PCP4: variants seen among roughly 807,000 people sequenced by gnomAD.
PCP4 encodes calmodulin regulator protein PCP4.
PCP4 carries 8 observed loss-of-function variants against 10.0 expected under a neutral mutation model. The observed-to-expected ratio is 0.80, with a 90% CI of 0.47 to 1.45. The LOEUF (loss-of-function observed/expected upper bound fraction) is 1.45. Ranked by LOEUF, PCP4 falls within the 40% of genes most tolerant of loss-of-function variation. The probability of loss-of-function intolerance (pLI) is 0.00; values close to 1 mark genes in which losing one functional copy is unlikely to be tolerated. For synonymous variants in PCP4, 21 were observed against 23.0 expected (o/e 0.91, Z 0.24); for missense variants, 54 against 74.4 (o/e 0.73, Z 1.01).
chr21:39,880,475 GTGCA>G (rs1391812000), intron 1 of PCP4, among the ~76,000 whole-genome samples: 2 of 152,104 alleles, frequency 1.3e-5, no homozygotes, highest in African/African-American at 4.8e-5. Flanking sequence ...GTGTGTGTGT[GTGCA>G]TGCGTGTGAG....
At chr21:39,876,450 C>T (rs1445004547) in intron 1 of PCP4, among the ~76,000 whole-genome samples, 1 of 152,120 alleles carries the variant, frequency 6.6e-6, no homozygotes, top group African/African-American at 2.4e-5. Context: ...CTATATAGGA[C>T]ATTTTAAAAG....
chr21:39,874,978 A>G (rs1337183734), intron 1 of PCP4, among the ~76,000 whole-genome samples: 1 of 152,208 alleles, frequency 6.6e-6, no homozygotes, highest in Non-Finnish European at 1.5e-5. Flanking sequence ...GCGGTTTCAT[A>G]ACGCTACTCA....
chr21:39,920,048 G>C (rs562503399), intron 2 of PCP4, among the ~76,000 whole-genome samples: 793 of 70,116 alleles, frequency 0.011, 10 homozygotes, highest in African/African-American at 0.027. Context: ...TATGTGTGGT[G>C]TGTGTGTGTA....
At chr21:39,905,565 G>C (rs1238775798) in intron 2 of PCP4, among the ~76,000 whole-genome samples, 2 of 152,174 alleles carry the variant, frequency 1.3e-5, no homozygotes, top group Non-Finnish European at 2.9e-5. Context: ...TCAGTTAGAA[G>C]AGTGACTTTT....
intron 1 of PCP4, among the ~76,000 whole-genome samples, chr21:39,881,960 T>A (rs1385439747): frequency 6.6e-6 from 1 of 152,200 alleles, no homozygotes; most frequent in African/African-American, 2.4e-5. Context: ...CCTAAGCCTC[T>A]CTGTGTCTCA....
intron 1 of PCP4, among the ~76,000 whole-genome samples, chr21:39,877,253 G>C (rs1363671623): frequency 1.3e-5 from 2 of 152,116 alleles, no homozygotes; most frequent in Non-Finnish European, 2.9e-5. Flanking sequence ...CAGAAATCTT[G>C]ACAAAGCCAT....
At chr21:39,908,689 AGGGTG>A (rs557119621) in intron 2 of PCP4, among the ~76,000 whole-genome samples, 391 of 151,988 alleles carry the variant, frequency 2.6e-3, no homozygotes, top group African/African-American at 9.2e-3. Context: ...GGTGGGGAGG[AGGGTG>A]GGAGTGCCCG....
At chr21:39,878,127 A>T (rs540117429) in intron 1 of PCP4, among the ~76,000 whole-genome samples, 24 of 152,116 alleles carry the variant, frequency 1.6e-4, no homozygotes, top group African/African-American at 5.6e-4. Flanking sequence ...GTAGGGGGAG[A>T]CAGAATCACA....
intron 1 of PCP4, among the ~76,000 whole-genome samples, chr21:39,871,886 CAT>C (rs2087321977): frequency 6.6e-6 from 1 of 151,746 alleles, no homozygotes; most frequent in Admixed American, 6.6e-5. Flanking sequence ...ATAAATGACT[CAT>C]TATTGATTTT....
At chr21:39,927,322 C>CTATCTATCTGTCTATCT (rs11400298) in intron 2 of PCP4, among the ~76,000 whole-genome samples, 2 of 129,992 alleles carry the variant, frequency 1.5e-5, no homozygotes, top group African/African-American at 6.4e-5. Flanking sequence ...ATCTATCTAT[C>CTATCTATCTGTCTATCT]ATCTATCTAT....
chr21:39,891,012 T>C (rs2087427801), intron 1 of PCP4, among the ~76,000 whole-genome samples: 1 of 152,174 alleles, frequency 6.6e-6, no homozygotes, highest in African/African-American at 2.4e-5. Context: ...GCACAGCTCC[T>C]AAATGTAGCA....
In PCP4 at chr21:39,906,135, T is replaced by TCAG. The variant is rs2087507891; in HGVS notation, c.61+7608_61+7609insCAG. ...AGAGGATCTCAGGCAAAGTTGCTGG[T>TCAG]GAACTCAGGATTGTCCTAAGGTCAC... is the stretch of plus-strand genomic sequence containing the variant. On this transcript the variant is annotated intron_variant, in intron 2 of 2. Transcript: ENST00000328619. The surrounding 1 kb of genome is among the most constrained non-coding windows in gnomAD (Gnocchi z 6.3). Among the ~76,000 whole-genome samples the TCAG allele has an allele frequency of 2.6e-5, 4 of 152,216 alleles. No individual in the cohort carries two copies. The highest frequency in any genetic ancestry group is 9.6e-5 in the African/African-American group (4 of 41,460).
At chr21:39,924,064 C>A (rs546296973) in intron 2 of PCP4, among the ~76,000 whole-genome samples, 4 of 152,286 alleles carry the variant, frequency 2.6e-5, no homozygotes, top group African/African-American at 7.2e-5. Flanking sequence ...GATGGCCATG[C>A]GGGCGGCCAT....
At chr21:39,903,783 G>A (rs922394493) in intron 2 of PCP4, among the ~76,000 whole-genome samples, 11 of 151,266 alleles carry the variant, frequency 7.3e-5, no homozygotes, top group East Asian at 3.9e-4. Flanking sequence ...CAGGAGAATG[G>A]CGTGAACCTG....
At chr21:39,894,269 C>T (rs890558851) in intron 1 of PCP4, among the ~76,000 whole-genome samples, 2 of 152,106 alleles carry the variant, frequency 1.3e-5, no homozygotes, top group Non-Finnish European at 2.9e-5. Flanking sequence ...TACCTGCTTC[C>T]CCAGAAGAAA....
At chr21:39,909,519 G>A (rs2087529095) in intron 2 of PCP4, among the ~76,000 whole-genome samples, 1 of 152,134 alleles carries the variant, frequency 6.6e-6, no homozygotes, top group Non-Finnish European at 1.5e-5. Context: ...TTGCATTCTG[G>A]TCATGGTTTT....
chr21:39,900,188 C>T (rs372046143), intron 2 of PCP4, among the ~76,000 whole-genome samples: 42 of 152,204 alleles, frequency 2.8e-4, no homozygotes, highest in African/African-American at 9.6e-4. Context: ...GCACCCACCA[C>T]CACGCCTGGC....
At chr21:39,894,799 G>T (rs2087449052) in intron 1 of PCP4, among the ~76,000 whole-genome samples, 1 of 152,166 alleles carries the variant, frequency 6.6e-6, no homozygotes, top group African/African-American at 2.4e-5. Context: ...TTAGGATGAT[G>T]AACTTGTAGT....
chr21:39,898,630 A>G, intron 2 of PCP4, 103 bp downstream of exon 2: 1 of 852,168 alleles, frequency 1.2e-6, no homozygotes, highest in Non-Finnish European at 2.0e-6. Flanking sequence ...AGCTTACTAT[A>G]TGTGTCTGCG....
Sources: allele counts gnomAD v4.1 joint callset (sites outside exome capture counted in the v4.1 genomes callset), GRCh38; gene constraint gnomAD v4.1.1; non-coding constraint Gnocchi (gnomAD v3.1); transcripts MANE v1.5; gene names NCBI Gene and HGNC (gene_info 2026-07-23, HGNC 2026-07-21).